PINX1: variants seen among roughly 807,000 people sequenced by gnomAD.
PINX1 encodes the protein PIN2/TERF1-interacting telomerase inhibitor 1.
A neutral mutation model predicts 25.4 loss-of-function variants in PINX1; 34 were observed. The ratio of observed to expected loss-of-function variants is 1.34; its 90% CI spans 1.02 to 1.78. The LOEUF is 1.78. PINX1 is among the 40% of genes most tolerant of loss of function. The pLI, the probability that PINX1 is intolerant of heterozygous loss-of-function variation, is 0.00. For synonymous variants in PINX1, 197 were observed against 147.7 expected, an observed-to-expected ratio of 1.33 and a Z score of -2.42; for missense variants, 592 against 404.9, an observed-to-expected ratio of 1.46 and a Z score of -3.97.
chr8:10,828,164 C>G (rs903098585), intron 4 of PINX1, among the ~76,000 whole-genome samples: 12 of 152,146 alleles, frequency 7.9e-5, no homozygotes, highest in African/African-American at 2.9e-4. Flanking sequence ...AGCACGGGCT[C>G]ATTATTTCCA....
chr8:10,776,462 C>T lies in PINX1; in HGVS notation c.472-10546G>A, dbSNP rs553318736. Among the ~76,000 whole-genome samples the T allele has an allele frequency of 8.9e-3, 1,320 of 148,926 alleles. 20 individuals carry two copies. The highest frequency in any genetic ancestry group is 0.03 in the African/African-American group (1,219 of 40,448). On this transcript the variant is annotated intron_variant, in intron 6 of 6. Coordinates refer to ENST00000314787, the MANE Select transcript of PINX1 (RefSeq NM_017884.6). ...ATAAATAAATAAACAAACAAACAAA[C>T]AAACAAATAAAAATTGGTCTTTAAC...
intron 6 of PINX1, among the ~76,000 whole-genome samples, chr8:10,799,075 T>C (rs1353466869): frequency 2.0e-5 from 3 of 152,150 alleles, no homozygotes; most frequent in African/African-American, 7.2e-5. Context: ...TGATCATCTG[T>C]ATTATAATAT....
At chr8:10,816,342 T>C (rs1306984930) in intron 6 of PINX1, among the ~76,000 whole-genome samples, 1 of 152,160 alleles carries the variant, frequency 6.6e-6, no homozygotes. Context: ...CTATAAAAAG[T>C]TAAAGAAAAA....
chr8:10,806,925 G>T (rs1802470192), intron 6 of PINX1, among the ~76,000 whole-genome samples: 1 of 152,198 alleles, frequency 6.6e-6, no homozygotes, highest in South Asian at 2.1e-4. Flanking sequence ...TCTGACATCT[G>T]GGGGTTCCCT....
Position 10,765,334 on chromosome 8 carries a change from G to A in PINX1, c.*67C>T, listed in dbSNP as rs1427568979. ...GGGGTGAACTCTGCTGTGACTTCAG[G>A]CCAGAGGTGTCTGCCCCCGCAGTGC... On this transcript the variant is annotated 3_prime_UTR_variant, in exon 7 of 7. Transcript: ENST00000314787. The A allele has an allele frequency of 5.6e-6, 8 of 1,424,846 alleles. No individual in the cohort carries two copies. In the African/African-American group the frequency reaches 1.1e-4, roughly 20 times the overall value. The allele number at this position is 1,424,846 out of a possible 1,614,324, so 88.3% of individuals were successfully genotyped here. A position where few individuals can be genotyped will look rare whatever the true frequency, so the allele number is the denominator to read the frequency against.
At chr8:10,777,638 T>C (rs554389349) in intron 6 of PINX1, among the ~76,000 whole-genome samples, 1 of 152,296 alleles carries the variant, frequency 6.6e-6, no homozygotes, top group African/African-American at 2.4e-5. Context: ...TTCGTGTATC[T>C]TAAAATGGTT....
At chr8:10,769,303 G>T (rs980691991) in intron 6 of PINX1, among the ~76,000 whole-genome samples, 5 of 152,154 alleles carry the variant, frequency 3.3e-5, no homozygotes, top group African/African-American at 1.2e-4. Flanking sequence ...AAGCAGGACT[G>T]GCCTAGTCTG....
chr8:10,795,823 A>T (rs1331394832), intron 6 of PINX1, among the ~76,000 whole-genome samples: 2 of 152,216 alleles, frequency 1.3e-5, no homozygotes, highest in Non-Finnish European at 2.9e-5. Flanking sequence ...GCCAAGTATT[A>T]TGACAGTTAG....
At chr8:10,772,205 C>T (rs1018914942) in intron 6 of PINX1, among the ~76,000 whole-genome samples, 1 of 152,246 alleles carries the variant, frequency 6.6e-6, no homozygotes, top group African/African-American at 2.4e-5. Flanking sequence ...ATTTGGAGAA[C>T]AGCAGTGGGA....
intron 6 of PINX1, among the ~76,000 whole-genome samples, chr8:10,807,326 C>CA (rs1491365780): frequency 3.6e-5 from 2 of 56,122 alleles, no homozygotes; most frequent in Admixed American, 2.5e-4. Context: ...ATCCCCCCCC[C>CA]ACCCCCCCCC....
intron 6 of PINX1, among the ~76,000 whole-genome samples, chr8:10,790,998 C>G (rs116995701): frequency 0.011 from 1,662 of 152,244 alleles, 50 homozygotes; most frequent in East Asian, 0.1. Context: ...CTGCAGCCTC[C>G]GCTTCCCAAG....
chr8:10,805,392 T>C lies in PINX1; in HGVS notation c.471+14801A>G, dbSNP rs970261588. Among the ~76,000 whole-genome samples the C allele has an allele frequency of 7.2e-5, 11 of 152,154 alleles. 1 individual carries two copies. The highest frequency in any genetic ancestry group is 7.2e-4 in the Admixed American group (11 of 15,286). ...AATGGCATATTTCCATGATACACTT[T>C]AGACAACCAGAGTACTCGAAGATTG... On this transcript the variant is annotated intron_variant, in intron 6 of 6. Transcript: ENST00000314787.
Position 10,815,246 on chromosome 8 carries a change from ATTTC to A in PINX1, c.471+4943_471+4946del, listed in dbSNP as rs377504151. On this transcript the variant is annotated intron_variant, in intron 6 of 6. Transcript: ENST00000314787. ...CACGAGCCACTGTGCCCAGCTAGCA[ATTTC>A]TTTATTAGACGCAAAAAGGTCAGAG... is the stretch of plus-strand genomic sequence containing the variant. 2.8e-4 allele frequency among the ~76,000 whole-genome samples: 42 copies of A among 152,320 alleles called. 1 individual carries two copies. In the East Asian group the frequency reaches 7.0e-3, roughly 25 times the overall value.
intron 6 of PINX1, among the ~76,000 whole-genome samples, chr8:10,798,017 T>C (rs757049093): frequency 3.9e-5 from 6 of 152,188 alleles, no homozygotes; most frequent in Non-Finnish European, 8.8e-5. Flanking sequence ...AATAATGAAG[T>C]ACTGAACTGA....
chr8:10,832,396 T>C (rs532120734), intron 3 of PINX1, among the ~76,000 whole-genome samples: 12 of 152,340 alleles, frequency 7.9e-5, no homozygotes, highest in African/African-American at 2.9e-4. Context: ...TTTTTAAGAA[T>C]GCTTAAGGTA....
At chr8:10,830,836 G>A (rs1020557714) in intron 4 of PINX1, among the ~76,000 whole-genome samples, 6 of 152,202 alleles carry the variant, frequency 3.9e-5, no homozygotes, top group Admixed American at 6.5e-5. Flanking sequence ...AGGATATGGA[G>A]AAATTGGAAC....
chr8:10,776,854 G>A (rs910628547), intron 6 of PINX1, among the ~76,000 whole-genome samples: 5 of 152,066 alleles, frequency 3.3e-5, no homozygotes, highest in African/African-American at 9.7e-5. Context: ...CCCCCACACT[G>A]CAACCCAAAG....
intron 6 of PINX1, chr8:10,787,537 T>C: frequency 4.9e-6 from 1 of 202,704 alleles, no homozygotes; most frequent in Non-Finnish European, 1.0e-5. Flanking sequence ...ACATATCTTC[T>C]ATTTGACATT....
chr8:10,827,265 C>T (rs777451061), intron 4 of PINX1, among the ~76,000 whole-genome samples: 7 of 152,086 alleles, frequency 4.6e-5, no homozygotes, highest in African/African-American at 1.4e-4. Flanking sequence ...GATTAGGTGA[C>T]GCATGGAGGA....
Sources: gnomAD v4.1 joint callset for allele counts (sites outside exome capture counted in the v4.1 genomes callset) on GRCh38, gnomAD v4.1.1 for gene constraint, MANE v1.5 for transcripts, NCBI Gene and HGNC (gene_info 2026-07-23, HGNC 2026-07-21) for gene names.